The following NCOR1 variants were observed in gnomAD, a reference collection of about 807,000 sequenced individuals.
NCOR1 encodes the protein protein phosphatase 1, regulatory subunit 109.
In NCOR1, 63 loss-of-function variants were observed where a neutral mutation model predicts 288.1. That is an observed-to-expected ratio of 0.22 (90% CI 0.18 to 0.27). The LOEUF is 0.27. Among genes scored for constraint, NCOR1 ranks in the 10% least tolerant of loss-of-function variants. The probability of loss-of-function intolerance (pLI) is 1.00; values close to 1 mark genes in which losing one functional copy is unlikely to be tolerated. For missense variants in NCOR1, 2,397 were observed against 3,019.2 expected (o/e 0.79, Z 4.83); for synonymous variants, 1,007 against 1,065.9 (o/e 0.94, Z 1.08).
chr17:16,161,073 G>A (rs755012784), intron 5 of NCOR1, among the ~76,000 whole-genome samples: 7 of 152,062 alleles, frequency 4.6e-5, no homozygotes, highest in Non-Finnish European at 7.4e-5. Flanking sequence ...TCATTTTTAT[G>A]GTAAAGGGTT....
At chr17:16,212,870 G>A (rs1259220833) in intron 1 of NCOR1, among the ~76,000 whole-genome samples, 1 of 151,574 alleles carries the variant, frequency 6.6e-6, no homozygotes, top group Non-Finnish European at 1.5e-5. Flanking sequence ...CCAGGAGCTC[G>A]AGACCAGCCT....
chr17:16,125,159 T>C (rs1182705245), intron 15 of NCOR1, among the ~76,000 whole-genome samples: 4 of 146,906 alleles, frequency 2.7e-5, no homozygotes, highest in Middle Eastern at 3.8e-3. Context: ...AGGTCAGGAG[T>C]TCAAGATCAG....
chr17:16,122,861 T>TC (rs1473812122), intron 15 of NCOR1, among the ~76,000 whole-genome samples: 1 of 152,146 alleles, frequency 6.6e-6, no homozygotes, highest in Non-Finnish European at 1.5e-5. Context: ...AGTCATGAAT[T>TC]CCTGTGCTAA....
intron 19 of NCOR1, among the ~76,000 whole-genome samples, chr17:16,106,879 ATATATTTTTTTTTTTTTT>A (rs1188350540): frequency 1.0e-4 from 6 of 59,016 alleles, no homozygotes; most frequent in African/African-American, 5.3e-4. Context: ...ATATATATAT[ATATATTTTTTTTTTTTTT>A]TTTTTTTTTT....
intron 14 of NCOR1, among the ~76,000 whole-genome samples, chr17:16,132,592 T>A (rs1424582583): frequency 6.6e-6 from 1 of 152,162 alleles, no homozygotes; most frequent in Admixed American, 6.5e-5. Flanking sequence ...TCTATCAGAA[T>A]TTGGAGAGAA....
Position 16,125,231 on chromosome 17 carries a change from C to T in NCOR1, c.1634+851G>A, listed in dbSNP as rs145876282. On this transcript the variant is annotated intron_variant, in intron 15 of 45. Coordinates refer to ENST00000268712, the MANE Select transcript of NCOR1 (RefSeq NM_006311.4). The stretch of plus-strand genomic sequence containing the variant: ...ACACAAAATTAGCCGGGCGTGGTGA[C>T]GCGTGCCTGTAATCCTACCTACTTG... 7.6e-3 allele frequency among the ~76,000 whole-genome samples: 1,154 copies of T among 151,972 alleles called. 18 individuals are homozygous for T. Among genetic ancestry groups the T allele is most frequent in the East Asian group, 0.05 (255 of 5,148 alleles).
chr17:16,093,070 C>T (rs1332350580), intron 21 of NCOR1, among the ~76,000 whole-genome samples: 3 of 152,052 alleles, frequency 2.0e-5, no homozygotes, highest in Admixed American at 2.0e-4. Context: ...TTTCTACTTC[C>T]TCAAGACACT....
chr17:16,159,508 C>G (rs2080400647), intron 5 of NCOR1, among the ~76,000 whole-genome samples: 1 of 151,426 alleles, frequency 6.6e-6, no homozygotes, highest in Non-Finnish European at 1.5e-5. Flanking sequence ...CTACATACCT[C>G]TATCACAATG....
chr17:16,159,304 T>C (rs1055733017), intron 5 of NCOR1, among the ~76,000 whole-genome samples: 2 of 146,856 alleles, frequency 1.4e-5, no homozygotes, highest in Non-Finnish European at 3.0e-5. Context: ...TCCCAGCTAC[T>C]AAGAAGGCTG....
At chr17:16,053,742 A>AAGAACAAAAAG (rs1411835163) in intron 40 of NCOR1, among the ~76,000 whole-genome samples, 1 of 152,184 alleles carries the variant, frequency 6.6e-6, no homozygotes, top group African/African-American at 2.4e-5. Flanking sequence ...CCAAGGCAAT[A>AAGAACAAAAAG]CTAAGCAAAA....
At chr17:16,114,252 C>G (rs1366876705) in intron 18 of NCOR1, among the ~76,000 whole-genome samples, 2 of 151,700 alleles carry the variant, frequency 1.3e-5, no homozygotes, top group East Asian at 3.9e-4. Flanking sequence ...TGAGAAAGAC[C>G]TGCCCCATGA....
intron 44 of NCOR1, 100 bp from the exon 45 acceptor site, chr17:16,035,044 G>T: frequency 8.8e-7 from 1 of 1,138,200 alleles, no homozygotes; most frequent in South Asian, 1.6e-5. Context: ...AAAGCAGAAT[G>T]GTAACATGAA....
At chr17:16,097,215 C>T (rs1473745085) in intron 21 of NCOR1, among the ~76,000 whole-genome samples, 2 of 152,204 alleles carry the variant, frequency 1.3e-5, no homozygotes, top group African/African-American at 2.4e-5. Context: ...TAAGGGCTGA[C>T]AGCCCAAAAA....
intron 1 of NCOR1, among the ~76,000 whole-genome samples, chr17:16,209,171 G>T (rs545164829): frequency 6.6e-6 from 1 of 152,216 alleles, no homozygotes; most frequent in African/African-American, 2.4e-5. Flanking sequence ...GGAGAAGAGG[G>T]AATAGGAGAG....
At chr17:16,194,997 T>C (rs1014946055) in intron 1 of NCOR1, among the ~76,000 whole-genome samples, 1 of 152,188 alleles carries the variant, frequency 6.6e-6, no homozygotes, top group African/African-American at 2.4e-5. Flanking sequence ...GATAAGTCAA[T>C]TGCGAAAAGA....
At chr17:16,077,266 G>A (rs536541101) in intron 26 of NCOR1, among the ~76,000 whole-genome samples, 19 of 132,510 alleles carry the variant, frequency 1.4e-4, no homozygotes, top group African/African-American at 4.2e-4. Context: ...GCACGGCTGC[G>A]CACACCTGTA....
chr17:16,201,711 ACT>A (rs1225342224), intron 1 of NCOR1, among the ~76,000 whole-genome samples: 1 of 152,140 alleles, frequency 6.6e-6, no homozygotes, highest in Non-Finnish European at 1.5e-5. Context: ...CCAACTGAAA[ACT>A]CTGTGGTATG....
At chr17:16,082,357 TCA>T (rs1457900214) in intron 23 of NCOR1, among the ~76,000 whole-genome samples, 1 of 152,172 alleles carries the variant, frequency 6.6e-6, no homozygotes, top group Non-Finnish European at 1.5e-5. Flanking sequence ...AGCTTTGGGC[TCA>T]GGAATAAAGA....
chr17:16,138,863 T>A (rs935593481), intron 12 of NCOR1, 145 bp downstream of exon 12: 7 of 578,854 alleles, frequency 1.2e-5, no homozygotes, highest in Non-Finnish European at 2.1e-5. Flanking sequence ...GGAAGATCAA[T>A]ATTCTCTACT....
Sources: gnomAD v4.1 joint callset for allele counts (sites outside exome capture counted in the v4.1 genomes callset) on GRCh38, gnomAD v4.1.1 for gene constraint, MANE v1.5 for transcripts, NCBI Gene and HGNC (gene_info 2026-07-23, HGNC 2026-07-21) for gene names.